Variants in ATP6V0A2 observed in about 807,000 individuals in gnomAD.
ATP6V0A2 encodes the protein ATPase H+ transporting V0 subunit a2, also known as V-type proton ATPase 116 kDa subunit a 2.
In ATP6V0A2, 58 loss-of-function variants were observed where a neutral mutation model predicts 104.4. The ratio of observed to expected loss-of-function variants is 0.56; its 90% CI spans 0.45 to 0.69. The LOEUF (loss-of-function observed/expected upper bound fraction) is 0.69, where lower values mean the gene tolerates loss of function less well. ATP6V0A2 is among the 30% of genes least tolerant of loss of function. The pLI is 0.00. For synonymous variants in ATP6V0A2, 376 were observed against 397.9 expected (o/e 0.95, Z 0.65); for missense variants, 938 against 1,062.9 (o/e 0.88, Z 1.63).
chr12:123,737,704 C>T (rs576538436), intron 9 of ATP6V0A2: 1 of 217,670 alleles, frequency 4.6e-6, no homozygotes, highest in East Asian at 1.1e-4. Context: ...CAGTGGCTTC[C>T]TCCCACCCCA....
intron 18 of ATP6V0A2, among the ~76,000 whole-genome samples, chr12:123,755,537 A>G (rs1364957585): frequency 3.4e-5 from 5 of 146,504 alleles, no homozygotes; most frequent in Admixed American, 6.7e-5. Flanking sequence ...CTCTGTCTCA[A>G]AAAAAAAAAA....
At chr12:123,723,121 GT>G (rs1956416267) in intron 3 of ATP6V0A2, 1 of 152,318 alleles carries the variant, frequency 6.6e-6, no homozygotes, top group African/African-American at 2.4e-5. Context: ...AAGCCATTCA[GT>G]TGCGGGCTCC....
At chr12:123,741,813 A>T (rs1956612242) in intron 9 of ATP6V0A2, among the ~76,000 whole-genome samples, 1 of 152,198 alleles carries the variant, frequency 6.6e-6, no homozygotes, top group Non-Finnish European at 1.5e-5. Context: ...ATGTATATTT[A>T]CATGAAAATA....
At chr12:123,719,925 A>G (rs1186620629) in intron 2 of ATP6V0A2, among the ~76,000 whole-genome samples, 2 of 152,128 alleles carry the variant, frequency 1.3e-5, no homozygotes, top group Non-Finnish European at 2.9e-5. Context: ...AAAGTTAACC[A>G]ACAAACGACC....
chr12:123,751,858 C>CTTTTTT (rs1312141865), intron 16 of ATP6V0A2, among the ~76,000 whole-genome samples: 4 of 107,954 alleles, frequency 3.7e-5, no homozygotes, highest in Admixed American at 1.1e-4. Flanking sequence ...TTCTTTCTTT[C>CTTTTTT]TTTCTTTTTT....
chr12:123,728,081 T>G (rs1956465025), intron 6 of ATP6V0A2, among the ~76,000 whole-genome samples, 172 bp downstream of exon 6: 1 of 152,256 alleles, frequency 6.6e-6, no homozygotes, highest in African/African-American at 2.4e-5. Context: ...GGACATTGTC[T>G]TATATTGCCA....
In ATP6V0A2 at chr12:123,757,056, C is replaced by T; in HGVS notation, c.2465+70C>T. The T allele has an allele frequency of 3.3e-6, 5 of 1,527,602 alleles. No homozygotes were observed. In the South Asian group the frequency reaches 4.5e-5, roughly 14 times the overall value. The allele number at this position is 1,527,602 out of a possible 1,614,324, so 94.6% of individuals were successfully genotyped here. Reference sequence around the variant, plus strand: ...CCCGCCCCCCCACTGCCCCGCCCAACCAAATATACACAGCCCCTGCAAAAT... The same window carrying T: ...CCCGCCCCCCCACTGCCCCGCCCAATCAAATATACACAGCCCCTGCAAAAT... On this transcript the variant is annotated intron_variant, in intron 19 of 19. Transcript: ENST00000330342.
intron 9 of ATP6V0A2, among the ~76,000 whole-genome samples, chr12:123,741,206 G>A (rs909773615): frequency 3.9e-5 from 6 of 152,108 alleles, no homozygotes; most frequent in Admixed American, 1.3e-4. Flanking sequence ...TGAGGCGGGC[G>A]GATCACTTGA....
chr12:123,733,785 G>A (rs1380914515), intron 6 of ATP6V0A2, 141 bp from the exon 7 acceptor site: 8 of 709,020 alleles, frequency 1.1e-5, no homozygotes, highest in Admixed American at 2.1e-5. Context: ...AGGTGAATTC[G>A]TAATTACAGA....
intron 6 of ATP6V0A2, 116 bp downstream of exon 6, chr12:123,728,025 C>G: frequency 7.3e-7 from 1 of 1,361,776 alleles, no homozygotes. Context: ...TAACCTGATG[C>G]CTTATCTCTT....
Position 123,712,489 on chromosome 12 carries a change from C to A in ATP6V0A2, c.-77C>A. On this transcript the variant is annotated 5_prime_UTR_variant, in exon 1 of 20. Coordinates refer to ENST00000330342, the MANE Select transcript of ATP6V0A2 (RefSeq NM_012463.4). ...GGAAGAGCTCGAGGCCCGGGCCGCA[C>A]CGGCTGAGTGTGCGGGCCCGCGCGG... is the stretch of plus-strand genomic sequence containing the variant. The A allele has an allele frequency of 1.0e-6, 1 of 982,078 alleles. No homozygotes were observed. Among genetic ancestry groups the A allele is most frequent in the Non-Finnish European group, 1.4e-6 (1 of 706,984 alleles). The allele number at this position is 982,078 out of a possible 1,614,324, so 60.8% of individuals were successfully genotyped here. A position where few individuals can be genotyped will look rare whatever the true frequency, so the allele number is the denominator to read the frequency against.
chr12:123,754,432 G>A lies in ATP6V0A2; in HGVS notation c.2188G>A (p.Glu730Lys). The A allele has an allele frequency of 6.2e-7, 1 of 1,611,700 alleles. No homozygotes were observed. The highest frequency in any genetic ancestry group is 8.5e-7 in the Non-Finnish European group (1 of 1,177,810). The change falls in exon 18 of 20, where the codon GAA (glutamate) becomes AAA (lysine). Residue 730 changes from glutamate to lysine, a missense_variant. Transcript: ENST00000330342. The part of the protein sequence containing the change: ...EMACEEFNFG[E>K]ILMTQVIHSI... ...TGATCTCTCTCAGTTTAATTTTGGA[G>A]AAATATTAATGACCCAAGTAATCCA...
At chr12:123,722,600 T>C in intron 3 of ATP6V0A2, 152 bp downstream of exon 3, 1 of 663,082 alleles carries the variant, frequency 1.5e-6, no homozygotes. Flanking sequence ...ACCGCTATTA[T>C]GATTAACCCT....
At chr12:123,740,863 T>C (rs1956602622) in intron 9 of ATP6V0A2, among the ~76,000 whole-genome samples, 1 of 152,196 alleles carries the variant, frequency 6.6e-6, no homozygotes, top group Admixed American at 6.5e-5. Context: ...ATAATTTCTT[T>C]CTTTTTTTCC....
chr12:123,748,483 C>T (rs768748636), intron 14 of ATP6V0A2, 92 bp from the exon 15 acceptor site: 9 of 923,768 alleles, frequency 9.7e-6, no homozygotes, highest in African/African-American at 4.9e-5. Context: ...TTCTGAAATT[C>T]GCTTTATAGT....
chr12:123,724,592 A>T (rs1956430711), intron 3 of ATP6V0A2, 62 bp from the exon 4 acceptor site: 1 of 1,566,030 alleles, frequency 6.4e-7, no homozygotes. Flanking sequence ...CTGCATGAAG[A>T]TTATTGGAAT....
chr12:123,735,715 T>C (rs1379501127), intron 8 of ATP6V0A2, 91 bp downstream of exon 8: 4 of 1,069,202 alleles, frequency 3.7e-6, no homozygotes, highest in African/African-American at 3.1e-5. Context: ...TAGATAATAT[T>C]GGTCGTAGAC....
At chr12:123,713,534 A>G (rs1956312546) in intron 1 of ATP6V0A2, among the ~76,000 whole-genome samples, 1 of 152,076 alleles carries the variant, frequency 6.6e-6, no homozygotes, top group Admixed American at 6.5e-5. Flanking sequence ...TGAACAGACA[A>G]GCTTTTCTTG....
At position 123,726,283 on chromosome 12, in the gene ATP6V0A2, G is replaced by A. The variant is rs1448928465; in HGVS notation, c.519G>A (p.Leu173=). The A allele has an allele frequency of 2.5e-6, 4 of 1,612,924 alleles. No homozygotes were observed. The highest frequency in any genetic ancestry group is 3.3e-4 in the Middle Eastern group (2 of 6,060). Residue 173 remains leucine, a splice_region_variant and synonymous_variant, in exon 5 of 20, where the codon CTG becomes CTA. Transcript: ENST00000330342. Reference sequence around the variant, plus strand: ...GTATGCAGAGGCTGGGAGCAAAACTGGGGTAGGTGACAAGGCCTGGGGTGT... The same window carrying A: ...GTATGCAGAGGCTGGGAGCAAAACTAGGGTAGGTGACAAGGCCTGGGGTGT... ...YSCMQRLGAK[L]GFVSGLINQG...
Sources: gnomAD v4.1 joint callset for allele counts (sites outside exome capture counted in the v4.1 genomes callset) on GRCh38, gnomAD v4.1.1 for gene constraint, MANE v1.5 for transcripts, NCBI Gene and HGNC (gene_info 2026-07-23, HGNC 2026-07-21) for gene names.